The following STK38L variants were observed in gnomAD, a reference collection of about 807,000 sequenced individuals.
STK38L encodes serine/threonine kinase 38 like.
In STK38L, 28 loss-of-function variants were observed where a neutral mutation model predicts 59.7. The observed-to-expected ratio is 0.47, with a 90% CI of 0.35 to 0.64. The LOEUF (loss-of-function observed/expected upper bound fraction) is 0.64, where lower values mean the gene tolerates loss of function less well. Among genes scored for constraint, STK38L ranks in the 30% least tolerant of loss-of-function variants. STK38L has a pLI of 0.01. For missense variants in STK38L, 314 were observed against 555.8 expected (o/e 0.56, Z 4.37); for synonymous variants, 162 against 176.8 (o/e 0.92, Z 0.66).
chr12:27,259,124 T>G (rs1199081875), intron 1 of STK38L, among the ~76,000 whole-genome samples: 3 of 152,222 alleles, frequency 2.0e-5, no homozygotes, highest in Non-Finnish European at 2.9e-5. Flanking sequence ...TTGCCCATCT[T>G]TGTCTATTCA....
chr12:27,314,662 T>C lies in STK38L; in HGVS notation c.672+4T>C, dbSNP rs754568377. On this transcript the variant is annotated splice_donor_region_variant and intron_variant, in intron 7 of 13. Coordinates refer to ENST00000389032, the MANE Select transcript of STK38L (RefSeq NM_015000.4). ...CAACCTTTTATTGGATGCCAAGGCA[T>C]GTGAATAAACTGGTGAATTACTAGG... 3.1e-6 allele frequency: 5 copies of C among 1,593,330 alleles called. No homozygotes were observed. Among genetic ancestry groups the C allele is most frequent in the Non-Finnish European group, 4.3e-6 (5 of 1,171,694 alleles).
At chr12:27,317,309 C>A in intron 9 of STK38L, 27 bp from the exon 10 acceptor site, 1 of 1,501,682 alleles carries the variant, frequency 6.7e-7, no homozygotes, top group Non-Finnish European at 9.2e-7. Context: ...GTTAAGAATG[C>A]TGGTTTGACG....
At chr12:27,282,872 GCTTAGT>G (rs1943690755) in intron 1 of STK38L, among the ~76,000 whole-genome samples, 1 of 152,134 alleles carries the variant, frequency 6.6e-6, no homozygotes, top group South Asian at 2.1e-4. Context: ...TATGCTGATC[GCTTAGT>G]TTAAGAGAAA....
At chr12:27,294,781 C>T (rs1477580196) in intron 1 of STK38L, among the ~76,000 whole-genome samples, 4 of 150,850 alleles carry the variant, frequency 2.7e-5, no homozygotes, top group Non-Finnish European at 5.9e-5. Flanking sequence ...GGTTCAATCG[C>T]AGCTCATTGT....
chr12:27,265,875 A>G (rs1024343563), intron 1 of STK38L, among the ~76,000 whole-genome samples: 2 of 152,180 alleles, frequency 1.3e-5, no homozygotes, highest in Non-Finnish European at 2.9e-5. Context: ...ATTGATGCTG[A>G]TAAAAATAAA....
intron 2 of STK38L, chr12:27,300,466 T>C (rs1726528351): frequency 2.2e-6 from 1 of 449,168 alleles, no homozygotes; most frequent in African/African-American, 2.0e-5. Flanking sequence ...AAAGGGACAG[T>C]GGAAATTTGA....
intron 3 of STK38L, 82 bp downstream of exon 3, chr12:27,302,270 A>G: frequency 9.4e-7 from 1 of 1,061,532 alleles, no homozygotes; most frequent in Non-Finnish European, 1.4e-6. Context: ...TTTATAACTT[A>G]AATAATGTGG....
chr12:27,256,130 A>C (rs1035837999), intron 1 of STK38L, among the ~76,000 whole-genome samples: 1 of 152,146 alleles, frequency 6.6e-6, no homozygotes, highest in Non-Finnish European at 1.5e-5. Context: ...CAGAATATTC[A>C]TTCAGGTGCC....
At chr12:27,302,669 T>G (rs1192166422) in intron 3 of STK38L, among the ~76,000 whole-genome samples, 1 of 152,240 alleles carries the variant, frequency 6.6e-6, no homozygotes, top group Admixed American at 6.5e-5. Context: ...TCTTACTCTT[T>G]TGCTTAATAA....
intron 9 of STK38L, among the ~76,000 whole-genome samples, chr12:27,316,416 A>C (rs1944585706): frequency 6.6e-6 from 1 of 152,174 alleles, no homozygotes; most frequent in Non-Finnish European, 1.5e-5. Context: ...TATTTACAAA[A>C]TATTCATGGG....
intron 1 of STK38L, among the ~76,000 whole-genome samples, chr12:27,288,370 T>C (rs1943824298): frequency 6.6e-6 from 1 of 152,080 alleles, no homozygotes; most frequent in Non-Finnish European, 1.5e-5. Context: ...ACCCATATTC[T>C]TTATAACAAA....
intron 1 of STK38L, among the ~76,000 whole-genome samples, chr12:27,252,521 C>T (rs570649402): frequency 5.9e-5 from 9 of 152,304 alleles, no homozygotes; most frequent in African/African-American, 1.7e-4. Flanking sequence ...AATACCACAC[C>T]GTGTTTGCCC....
intron 1 of STK38L, among the ~76,000 whole-genome samples, chr12:27,295,608 G>T (rs1159680060): frequency 1.3e-5 from 2 of 151,840 alleles, no homozygotes; most frequent in African/African-American, 4.8e-5. Flanking sequence ...TGAGTCAGAT[G>T]CAGTGCTGTT....
intron 1 of STK38L, among the ~76,000 whole-genome samples, chr12:27,283,556 AG>A (rs1323845231): frequency 6.6e-6 from 1 of 152,214 alleles, no homozygotes; most frequent in Admixed American, 6.5e-5. Flanking sequence ...ATTTAAATCC[AG>A]GGGGTGTAAC....
At chr12:27,322,119 T>G in intron 12 of STK38L, 24 bp from the exon 13 acceptor site, 1 of 1,597,662 alleles carries the variant, frequency 6.3e-7, no homozygotes, top group Admixed American at 1.7e-5. Flanking sequence ...AAAGTTACCA[T>G]GCATACTTAA....
At chr12:27,302,957 G>A (rs1236894334) in intron 3 of STK38L, among the ~76,000 whole-genome samples, 1 of 149,652 alleles carries the variant, frequency 6.7e-6, no homozygotes, top group Non-Finnish European at 1.5e-5. Context: ...AGCTTGCAGT[G>A]AGCCGAGATC....
rs1944541984 is a variant in STK38L at position 27,314,675 on chromosome 12, G to A, written c.672+17G>A. ...GATGCCAAGGCATGTGAATAAACTG[G>A]TGAATTACTAGGCTGTTGATTATTT... On this transcript the variant is annotated intron_variant, in intron 7 of 13. Transcript: ENST00000389032. 1 of 1,576,226 alleles carries A rather than the reference G, an allele frequency of 6.3e-7. No individual in the cohort carries two copies. Among genetic ancestry groups the A allele is most frequent in the East Asian group, 2.3e-5 (1 of 44,110 alleles).
intron 1 of STK38L, among the ~76,000 whole-genome samples, chr12:27,257,284 T>A (rs752404712): frequency 3.9e-5 from 6 of 152,168 alleles, no homozygotes; most frequent in Non-Finnish European, 5.9e-5. Context: ...GATAACCTGA[T>A]GGAGAGTCTT....
At chr12:27,257,083 A>G (rs369872599) in intron 1 of STK38L, among the ~76,000 whole-genome samples, 355 of 152,324 alleles carry the variant, frequency 2.3e-3, no homozygotes, top group African/African-American at 8.1e-3. Context: ...GAATTTACTT[A>G]TAGTTAGCAA....
Sources: allele counts gnomAD v4.1 joint callset (sites outside exome capture counted in the v4.1 genomes callset), GRCh38; gene constraint gnomAD v4.1.1; transcripts MANE v1.5; gene names NCBI Gene and HGNC (gene_info 2026-07-23, HGNC 2026-07-21).